CKAP5: variants seen among roughly 807,000 people sequenced by gnomAD.
CKAP5 encodes the protein cytoskeleton-associated protein 5.
A neutral mutation model predicts 232.8 loss-of-function variants in CKAP5; 27 were observed. The observed-to-expected ratio is 0.12, with a 90% CI of 0.09 to 0.16. The LOEUF is 0.16. Among genes scored for constraint, CKAP5 ranks in the 10% least tolerant of loss-of-function variants. The probability of loss-of-function intolerance (pLI) is 1.00; values close to 1 mark genes in which losing one functional copy is unlikely to be tolerated. For synonymous variants in CKAP5, 785 were observed against 841.1 expected (o/e 0.93, Z 1.16); for missense variants, 1,838 against 2,424.7 (o/e 0.76, Z 5.08).
rs750651240 is a variant in CKAP5 at position 46,790,169 on chromosome 11, T to C, written c.1782A>G (p.Glu594=). 6.2e-7 allele frequency: 1 copy of C among 1,606,366 alleles called. No homozygotes were observed. Among genetic ancestry groups the C allele is most frequent in the Non-Finnish European group, 8.5e-7 (1 of 1,173,924 alleles). The part of the protein sequence containing the change: ...EPELSIEVCE[E]KASAVLPPTC... ...TAGGGGGAAGAACAGCTGAAGCTTT[T>C]TCTTCACATACTTCTATCTGTAAGA... Residue 594 remains glutamate (E), a synonymous_variant, in exon 15 of 44, where the codon GAA becomes GAG. Transcript: ENST00000529230.
intron 1 of CKAP5, among the ~76,000 whole-genome samples, chr11:46,831,257 TTTTC>T (rs1395583978): frequency 2.6e-5 from 4 of 152,136 alleles, no homozygotes; most frequent in African/African-American, 9.6e-5. Flanking sequence ...TTCATTTACT[TTTTC>T]TTTATTTAAC....
At chr11:46,839,010 T>C (rs998857732) in intron 1 of CKAP5, among the ~76,000 whole-genome samples, 2 of 152,118 alleles carry the variant, frequency 1.3e-5, no homozygotes, top group Non-Finnish European at 2.9e-5. Flanking sequence ...TTGCAGGCAT[T>C]GTTGAGTCAC....
intron 24 of CKAP5, among the ~76,000 whole-genome samples, chr11:46,775,335 A>G (rs1365404730): frequency 6.6e-6 from 1 of 152,314 alleles, no homozygotes; most frequent in East Asian, 1.9e-4. Context: ...GATGCTGGAG[A>G]GGATGTGGAG....
chr11:46,782,153 T>C (rs973120493), intron 18 of CKAP5, among the ~76,000 whole-genome samples: 4 of 151,900 alleles, frequency 2.6e-5, no homozygotes, highest in African/African-American at 9.7e-5. Flanking sequence ...TGTCTCTCTC[T>C]CTCTATATAT....
At chr11:46,812,715 G>A (rs1410798980) in intron 4 of CKAP5, among the ~76,000 whole-genome samples, 1 of 152,010 alleles carries the variant, frequency 6.6e-6, no homozygotes, top group Non-Finnish European at 1.5e-5. Flanking sequence ...ACAGCTCACT[G>A]CAGCCTCGAC....
intron 13 of CKAP5, among the ~76,000 whole-genome samples, chr11:46,791,355 GCCTCCCATCTCAAGCAGC>G (rs149343239): frequency 0.093 from 14,078 of 151,490 alleles, 665 homozygotes; most frequent in Non-Finnish European, 0.1. Flanking sequence ...GCTTAAGCGA[GCCTCCCATCTCAAGCAGC>G]CCTCCCATCT....
At chr11:46,770,664 G>A (rs1308303598) in intron 25 of CKAP5, 124 bp downstream of exon 25, 2 of 835,422 alleles carry the variant, frequency 2.4e-6, no homozygotes, top group Non-Finnish European at 3.7e-6. Context: ...CCTGACCTCA[G>A]GTAATCCACC....
intron 38 of CKAP5, 151 bp from the exon 39 acceptor site, chr11:46,751,685 C>T (rs1000538191): frequency 2.1e-5 from 14 of 664,084 alleles, no homozygotes; most frequent in Non-Finnish European, 2.3e-5. Context: ...GCTGCTAAAA[C>T]ATGAAAATTT....
chr11:46,822,221 C>T (rs945114231), intron 1 of CKAP5, among the ~76,000 whole-genome samples: 6 of 152,004 alleles, frequency 3.9e-5, no homozygotes, highest in African/African-American at 1.2e-4. Context: ...ACAGAAGTTG[C>T]AGTGAGCTGT....
chr11:46,807,119 G>GTTC (rs2134667132), intron 8 of CKAP5, among the ~76,000 whole-genome samples: 1 of 152,262 alleles, frequency 6.6e-6, no homozygotes, highest in Admixed American at 6.5e-5. Flanking sequence ...TCGGCCAAGA[G>GTTC]TTCAATGTTA....
rs756882374 is a variant in CKAP5, at chr11:46,763,646, G to A, written c.3538-16C>T. Reference sequence around the variant, plus strand: ...ACTTTAGCACCTGGAAAAAACAAACGGTGAAAAGGGGCTACAGGGTGTTCA... The same window carrying A: ...ACTTTAGCACCTGGAAAAAACAAACAGTGAAAAGGGGCTACAGGGTGTTCA... On this transcript the variant is annotated splice_polypyrimidine_tract_variant and intron_variant, in intron 28 of 43. Transcript: ENST00000529230. The A allele has an allele frequency of 1.1e-5, 16 of 1,518,178 alleles. No homozygotes were observed. The African/African-American group carries it at 1.4e-4, about 13-fold the overall frequency. The allele number at this position is 1,518,178 out of a possible 1,614,324, so 94.0% of individuals were successfully genotyped here. A position where few individuals can be genotyped will look rare whatever the true frequency, so the allele number is the denominator to read the frequency against.
At chr11:46,825,746 A>G (rs1450684867) in intron 1 of CKAP5, among the ~76,000 whole-genome samples, 1 of 150,878 alleles carries the variant, frequency 6.6e-6, no homozygotes, top group African/African-American at 2.4e-5. Context: ...GTGTGATGAT[A>G]GGCTCATAAA....
chr11:46,778,158 T>C lies in CKAP5; in HGVS notation c.2729A>G (p.Asn910Ser), dbSNP rs1458207921. 4 of 1,613,678 alleles carry C rather than the reference T, an allele frequency of 2.5e-6. No homozygotes were observed. Among genetic ancestry groups the C allele is most frequent in the Non-Finnish European group, 2.5e-6 (3 of 1,179,902 alleles). ...ELPTALKGRLNDSNKILVQQT... is the reference protein window; with the variant it reads ...ELPTALKGRLSDSNKILVQQT... ...ACATACCAAGATTTTATTTGAATCA[T>C]TGAGTCGACCCTTCAAGGCAGTTGG... Residue 910 changes from asparagine (N) to serine (S), a missense_variant, in exon 22 of 44, where the codon AAT (asparagine) becomes AGT (serine). By Grantham distance (46) the Asn-to-Ser change is conservative. Transcript: ENST00000529230.
chr11:46,767,772 C>A, intron 26 of CKAP5, 109 bp from the exon 27 acceptor site: 1 of 622,298 alleles, frequency 1.6e-6, no homozygotes, highest in African/African-American at 1.9e-5. Flanking sequence ...TTAAATGTAT[C>A]AATTTATAAG....
At chr11:46,825,404 C>T (rs958691700) in intron 1 of CKAP5, among the ~76,000 whole-genome samples, 1 of 152,212 alleles carries the variant, frequency 6.6e-6, no homozygotes, top group African/African-American at 2.4e-5. Context: ...CTCTTCCCTA[C>T]AACCCATGGG....
chr11:46,750,024 T>C (rs1477640939), intron 42 of CKAP5, among the ~76,000 whole-genome samples: 2 of 151,326 alleles, frequency 1.3e-5, no homozygotes, highest in Non-Finnish European at 2.9e-5. Context: ...CAAGACAGCA[T>C]GGAGAACTGG....
At chr11:46,801,128 G>C in intron 9 of CKAP5, 72 bp downstream of exon 9, 1 of 1,065,382 alleles carries the variant, frequency 9.4e-7, no homozygotes, top group Non-Finnish European at 1.5e-6. Flanking sequence ...TTGTTTTAAA[G>C]CAAACAGCAA....
At chr11:46,753,184 G>C in intron 37 of CKAP5, 126 bp downstream of exon 37, 1 of 680,046 alleles carries the variant, frequency 1.5e-6, no homozygotes, top group Non-Finnish European at 2.5e-6. Flanking sequence ...ATAACTTTAA[G>C]TGTGCCTAGG....
intron 1 of CKAP5, among the ~76,000 whole-genome samples, chr11:46,844,096 C>A (rs1184034093): frequency 6.6e-6 from 1 of 151,910 alleles, no homozygotes; most frequent in African/African-American, 2.4e-5. Flanking sequence ...GTGGTGCACA[C>A]AAGAAGTCCC....
Sources: gnomAD v4.1 joint callset for allele counts (sites outside exome capture counted in the v4.1 genomes callset) on GRCh38, gnomAD v4.1.1 for gene constraint, MANE v1.5 for transcripts, NCBI Gene and HGNC (gene_info 2026-07-23, HGNC 2026-07-21) for gene names.